The following LIN52 variants were observed in gnomAD, a reference collection of about 807,000 sequenced individuals.
LIN52 encodes the protein protein lin-52 homolog.
Under a neutral mutation model 18.5 loss-of-function variants are expected in LIN52, and 4 were observed. That is an observed-to-expected ratio of 0.22 (90% confidence interval 0.11 to 0.49). The LOEUF (loss-of-function observed/expected upper bound fraction) is 0.49, where lower values mean the gene tolerates loss of function less well. Among genes scored for constraint, LIN52 ranks in the 20% least tolerant of loss-of-function variants. The probability of loss-of-function intolerance (pLI) is 0.97; values close to 1 mark genes in which losing one functional copy is unlikely to be tolerated. For synonymous variants in LIN52, 34 were observed against 45.5 expected, an observed-to-expected ratio of 0.75 and a Z score of 1.02; for missense variants, 102 against 139.5, an observed-to-expected ratio of 0.73 and a Z score of 1.35.
chr14:74,187,245 G>A (rs1728812642), intron 5 of LIN52, among the ~76,000 whole-genome samples: 1 of 152,162 alleles, frequency 6.6e-6, no homozygotes, highest in African/African-American at 2.4e-5. Context: ...GGGGGCTGGG[G>A]TTTGAATATG....
intron 5 of LIN52, among the ~76,000 whole-genome samples, chr14:74,148,596 G>A (rs888950303): frequency 3.9e-5 from 6 of 152,206 alleles, no homozygotes; most frequent in Admixed American, 1.3e-4. Context: ...CATATCAACA[G>A]TGGCAAGTTG....
intron 5 of LIN52, among the ~76,000 whole-genome samples, chr14:74,103,603 T>A (rs941339571): frequency 6.6e-6 from 1 of 151,478 alleles, no homozygotes; most frequent in Admixed American, 6.6e-5. Context: ...CAGCTAATTT[T>A]GTATTTTTAG....
intron 5 of LIN52, among the ~76,000 whole-genome samples, chr14:74,151,063 TA>T: frequency 6.6e-6 from 1 of 152,202 alleles, no homozygotes; most frequent in East Asian, 1.9e-4. Context: ...ACAATTTTTA[TA>T]CCCAGAGAGT....
intron 5 of LIN52, among the ~76,000 whole-genome samples, chr14:74,160,388 G>A (rs2061219145): frequency 6.6e-6 from 1 of 152,120 alleles, no homozygotes; most frequent in African/African-American, 2.4e-5. Context: ...CTCTCTATAG[G>A]AGTTTATAAT....
chr14:74,182,271 C>G (rs2061321215), intron 5 of LIN52, among the ~76,000 whole-genome samples: 1 of 152,186 alleles, frequency 6.6e-6, no homozygotes, highest in Non-Finnish European at 1.5e-5. Flanking sequence ...CTAGGCCTCC[C>G]AAAGTGCTGG....
At chr14:74,122,238 A>T (rs1328601678) in intron 5 of LIN52, among the ~76,000 whole-genome samples, 1 of 152,210 alleles carries the variant, frequency 6.6e-6, no homozygotes, top group African/African-American at 2.4e-5. Context: ...ATTGTGTTAA[A>T]TTTTTTGAGT....
In LIN52 at chr14:74,101,336, T is replaced by C. The variant is rs952310862; in HGVS notation, c.283+98T>C. 8 of 727,662 alleles carry C rather than the reference T, an allele frequency of 1.1e-5. No homozygotes were observed. In the East Asian group the frequency reaches 2.4e-4, roughly 22 times the overall value. 45.1% of individuals were successfully genotyped at this position (727,662 alleles called of 1,614,324 possible). On this transcript the variant is annotated intron_variant, in intron 5 of 5. Coordinates refer to ENST00000555028, the MANE Select transcript of LIN52 (RefSeq NM_001024674.3). Reference sequence around the variant, plus strand: ...ATTCCACCCTGAGCTCCAGTTATAATTCAGAAAGTATATTAGGGAAAAGAG... The same window carrying C: ...ATTCCACCCTGAGCTCCAGTTATAACTCAGAAAGTATATTAGGGAAAAGAG...
intron 5 of LIN52, among the ~76,000 whole-genome samples, chr14:74,120,774 T>G (rs1336035150): frequency 2.0e-5 from 3 of 147,466 alleles, no homozygotes; most frequent in Non-Finnish European, 4.5e-5. Flanking sequence ...AAAAAAAAAT[T>G]AGCTGGGCTT....
chr14:74,199,042 C>A lies in LIN52; in HGVS notation c.*65C>A. 9.1e-7 allele frequency: 1 copy of A among 1,097,664 alleles called. No homozygotes were observed. Among genetic ancestry groups the A allele is most frequent in the Non-Finnish European group, 1.4e-6 (1 of 714,378 alleles). 68.0% of individuals were successfully genotyped at this position (1,097,664 alleles called of 1,614,324 possible). On this transcript the variant is annotated 3_prime_UTR_variant, in exon 6 of 6. Coordinates refer to ENST00000555028, the MANE Select transcript of LIN52 (RefSeq NM_001024674.3). ...AGCTCCCTTCCCGGTGCACCTCTAA[C>A]AATGCACACCTCACTGCTTGCTTGG...
intron 5 of LIN52, among the ~76,000 whole-genome samples, chr14:74,129,042 G>T (rs77145678): frequency 0.014 from 2,150 of 152,306 alleles, 28 homozygotes; most frequent in Non-Finnish European, 0.022. Flanking sequence ...TTTGGCTTTG[G>T]TTGTTAACTG....
chr14:74,197,758 G>A (rs754249458), intron 5 of LIN52, among the ~76,000 whole-genome samples: 14 of 152,202 alleles, frequency 9.2e-5, no homozygotes, highest in Non-Finnish European at 1.9e-4. Flanking sequence ...CCTCCCTGTG[G>A]TCCCAGAGGT....
At chr14:74,100,695 CA>C in intron 4 of LIN52, among the ~76,000 whole-genome samples, 1 of 152,272 alleles carries the variant, frequency 6.6e-6, no homozygotes, top group Admixed American at 6.5e-5. Flanking sequence ...AGGCTGGTCT[CA>C]AACCCCTGAC....
intron 5 of LIN52, among the ~76,000 whole-genome samples, chr14:74,133,714 A>G (rs901979557): frequency 2.2e-4 from 34 of 152,226 alleles, no homozygotes; most frequent in Admixed American, 2.2e-3. Flanking sequence ...TCGTTCACCC[A>G]TTGTAGCTCC....
chr14:74,115,678 G>A (rs2060960472), intron 5 of LIN52, among the ~76,000 whole-genome samples: 1 of 152,074 alleles, frequency 6.6e-6, no homozygotes, highest in South Asian at 2.1e-4. Context: ...TTTATTTTTT[G>A]AAATGTTTTA....
At chr14:74,155,630 C>T (rs1040602027) in intron 5 of LIN52, among the ~76,000 whole-genome samples, 9 of 152,240 alleles carry the variant, frequency 5.9e-5, no homozygotes, top group Admixed American at 2.6e-4. Flanking sequence ...AGATTAGACT[C>T]CGTCGTAGTA....
At chr14:74,124,750 G>T (rs1452572251) in intron 5 of LIN52, among the ~76,000 whole-genome samples, 1 of 146,398 alleles carries the variant, frequency 6.8e-6, no homozygotes, top group African/African-American at 2.6e-5. Context: ...GGTGGAGGTT[G>T]CAGTGAGCCA....
At chr14:74,165,528 T>TTTTTTTTTTTTTTTTTA in intron 5 of LIN52, among the ~76,000 whole-genome samples, 2 of 149,536 alleles carry the variant, frequency 1.3e-5, no homozygotes, top group Admixed American at 6.6e-5. Context: ...TTTTTTTTTT[T>TTTTTTTTTTTTTTTTTA]GAGACAGAGT....
chr14:74,124,301 T>C (rs1489099098), intron 5 of LIN52, among the ~76,000 whole-genome samples: 1 of 152,210 alleles, frequency 6.6e-6, no homozygotes, highest in Non-Finnish European at 1.5e-5. Context: ...TCTATAGTTA[T>C]ACAATAACAC....
At chr14:74,172,309 G>A (rs890891177) in intron 5 of LIN52, among the ~76,000 whole-genome samples, 24 of 152,094 alleles carry the variant, frequency 1.6e-4, no homozygotes, top group Non-Finnish European at 2.8e-4. Context: ...AAGGCCACCC[G>A]GATCCAGTGC....
Sources: allele counts gnomAD v4.1 joint callset (sites outside exome capture counted in the v4.1 genomes callset), GRCh38; gene constraint gnomAD v4.1.1; transcripts MANE v1.5; gene names NCBI Gene and HGNC (gene_info 2026-07-23, HGNC 2026-07-21).